The following FEZ2 variants were observed in gnomAD, a reference collection of about 807,000 sequenced individuals.
FEZ2 encodes the protein fasciculation and elongation protein zeta-2.
FEZ2 carries 51 observed loss-of-function variants against 40.4 expected under a neutral mutation model. That is an observed-to-expected ratio of 1.26 (90% CI 1.01 to 1.59). The LOEUF (loss-of-function observed/expected upper bound fraction) is 1.59. Ranked by LOEUF, FEZ2 falls within the 40% of genes most tolerant of loss-of-function variation. FEZ2 has a pLI of 0.00. For synonymous variants in FEZ2, 242 were observed against 172.0 expected, an observed-to-expected ratio of 1.41 and a Z score of -3.18; for missense variants, 640 against 438.3, an observed-to-expected ratio of 1.46 and a Z score of -4.11.
chr2:36,576,343 C>G (rs1248153742), intron 5 of FEZ2, among the ~76,000 whole-genome samples: 1 of 151,900 alleles, frequency 6.6e-6, no homozygotes, highest in Non-Finnish European at 1.5e-5. Flanking sequence ...AATCTTGGCT[C>G]GCTGCAACCT....
At chr2:36,567,968 G>T (rs181409075) in intron 5 of FEZ2, among the ~76,000 whole-genome samples, 84 of 152,172 alleles carry the variant, frequency 5.5e-4, no homozygotes, top group African/African-American at 1.7e-3. Flanking sequence ...CCTTTTGGAA[G>T]GCAAAATGAA....
chr2:36,597,774 G>T, intron 1 of FEZ2, 103 bp downstream of exon 1: 1 of 902,518 alleles, frequency 1.1e-6, no homozygotes, highest in Non-Finnish European at 1.5e-6. Flanking sequence ...TCCCGCGTCC[G>T]GGCGGAAGGA....
chr2:36,570,005 CTTGAATAT>C (rs1278032644), intron 5 of FEZ2, among the ~76,000 whole-genome samples: 2 of 151,944 alleles, frequency 1.3e-5, no homozygotes, highest in Non-Finnish European at 2.9e-5. Context: ...CTTTCAATAG[CTTGAATAT>C]GATTTTCAAA....
At chr2:36,568,341 C>T (rs1452004158) in intron 5 of FEZ2, among the ~76,000 whole-genome samples, 3 of 152,052 alleles carry the variant, frequency 2.0e-5, no homozygotes, top group African/African-American at 4.8e-5. Flanking sequence ...AGATTTGTTA[C>T]TAAATAAATA....
Position 36,581,435 on chromosome 2 carries a change from C to G in FEZ2, c.493-4G>C, listed in dbSNP as rs756533490. 2 of 1,612,554 alleles carry G rather than the reference C, an allele frequency of 1.2e-6. No homozygotes were observed. The highest frequency in any genetic ancestry group is 1.7e-6 in the Non-Finnish European group (2 of 1,178,866). ...TTTCTTCAATTTCTTCAATAACCTT[C>G]GAAAACACACACACCACTGTTAATC... On this transcript the variant is annotated splice_region_variant and splice_polypyrimidine_tract_variant and intron_variant, in intron 3 of 7. Coordinates refer to ENST00000405912, the MANE Select transcript of FEZ2 (RefSeq NM_005102.3).
chr2:36,571,919 G>A (rs1363471622), intron 5 of FEZ2, among the ~76,000 whole-genome samples: 1 of 150,658 alleles, frequency 6.6e-6, no homozygotes, highest in Non-Finnish European at 1.5e-5. Context: ...GGAGGCTGAG[G>A]CAGGAGAATC....
chr2:36,574,315 C>G (rs560454536), intron 5 of FEZ2, among the ~76,000 whole-genome samples: 46 of 152,236 alleles, frequency 3.0e-4, no homozygotes, highest in Non-Finnish European at 5.9e-4. Flanking sequence ...GGTTTGACAC[C>G]TGGCAGAAAG....
At chr2:36,558,407 C>T in intron 6 of FEZ2, 31 bp downstream of exon 6, 1 of 1,341,254 alleles carries the variant, frequency 7.5e-7, no homozygotes, top group Non-Finnish European at 1.0e-6. Flanking sequence ...AAAAGGAAAT[C>T]AGGTAATAGT....
intron 1 of FEZ2, among the ~76,000 whole-genome samples, chr2:36,597,528 GTGAA>G (rs1418228206): frequency 6.6e-6 from 1 of 152,150 alleles, no homozygotes. Context: ...TGCGACTTGA[GTGAA>G]TGAATGGCGA....
rs780000099 is a variant in FEZ2 at position 36,598,019 on chromosome 2, C to G, written c.124G>C (p.Gly42Arg). 1 of 1,491,752 alleles carries G rather than the reference C, an allele frequency of 6.7e-7. No individual in the cohort carries two copies. Among genetic ancestry groups the G allele is most frequent in the Non-Finnish European group, 8.9e-7 (1 of 1,123,644 alleles). The allele number at this position is 1,491,752 out of a possible 1,614,324, so 92.4% of individuals were successfully genotyped here. The part of the protein sequence containing the change: ...PGAEAGAEAG[G>R]GADGFPAPAC... ...GGGGCCGGGAAACCGTCGGCGCCCCCACCCGCCTCGGCCCCCGCCTCCGCC... is the reference window on the plus strand; with the variant it reads ...GGGGCCGGGAAACCGTCGGCGCCCCGACCCGCCTCGGCCCCCGCCTCCGCC... Residue 42 changes from glycine to arginine, a missense_variant, in exon 1 of 8, where the codon GGG becomes CGG. Gly to Arg is a moderately radical substitution (Grantham distance 125, BLOSUM62 -2). Coordinates refer to ENST00000405912, the MANE Select transcript of FEZ2 (RefSeq NM_005102.3).
intron 5 of FEZ2, 86 bp from the exon 6 acceptor site, chr2:36,558,599 C>G: frequency 1.5e-6 from 1 of 660,038 alleles, no homozygotes. Context: ...GAAGGTCTAT[C>G]TGATAATATA....
intron 2 of FEZ2, chr2:36,584,120 T>G (rs1668834064): frequency 6.6e-6 from 1 of 152,306 alleles, no homozygotes; most frequent in Non-Finnish European, 1.5e-5. Context: ...GGCTTCCAGG[T>G]GGGTTAAACC....
intron 7 of FEZ2, among the ~76,000 whole-genome samples, chr2:36,553,967 C>G (rs1233176508): frequency 6.6e-6 from 1 of 152,130 alleles, no homozygotes; most frequent in East Asian, 1.9e-4. Flanking sequence ...CCCGACTTCC[C>G]CACCTTCCCA....
intron 1 of FEZ2, 42 bp from the exon 2 acceptor site, chr2:36,591,053 T>C (rs1292544762): frequency 1.7e-6 from 2 of 1,196,906 alleles, no homozygotes. Context: ...ATTAACATTC[T>C]GTATGTCTTT....
intron 4 of FEZ2, among the ~76,000 whole-genome samples, chr2:36,580,952 G>A (rs1668721521): frequency 6.6e-6 from 1 of 152,130 alleles, no homozygotes; most frequent in South Asian, 2.1e-4. Flanking sequence ...AGGAGTTCGA[G>A]ACCAGCCTGG....
Position 36,558,502 on chromosome 2 carries a change from T to C in FEZ2, c.915A>G (p.Thr305=). The C allele has an allele frequency of 6.6e-7, 1 of 1,514,100 alleles. No individual in the cohort carries two copies. Among genetic ancestry groups the C allele is most frequent in the Non-Finnish European group, 8.9e-7 (1 of 1,126,574 alleles). 93.8% of individuals were successfully genotyped at this position (1,514,100 alleles called of 1,614,324 possible). Residue 305 remains threonine, a synonymous_variant, in exon 6 of 8, where the codon ACA becomes ACG. Transcript: ENST00000405912. ...CGTTTTTTTTCTCATAAGGAATGAC[T>C]GTAGTCAAATACTGCCAAGTTTAAA... The part of the protein sequence containing the change: ...RSHMPGTYLT[T]VIPYEKKNGP...
At position 36,597,944 on chromosome 2, in the gene FEZ2, G is replaced by A. The variant is rs1669285992; in HGVS notation, c.199C>T (p.Pro67Ser). 5 of 1,455,388 alleles carry A rather than the reference G, an allele frequency of 3.4e-6. No individual in the cohort carries two copies. The highest frequency in any genetic ancestry group is 4.5e-6 in the Non-Finnish European group (5 of 1,110,722). 90.2% of individuals were successfully genotyped at this position (1,455,388 alleles called of 1,614,324 possible). A position where few individuals can be genotyped will look rare whatever the true frequency, so the allele number is the denominator to read the frequency against. Residue 67 changes from proline (P) to serine (S), a missense_variant, in exon 1 of 8, where the codon CCG becomes TCG. Pro to Ser is a moderately conservative substitution (Grantham distance 74). Coordinates refer to ENST00000405912, the MANE Select transcript of FEZ2 (RefSeq NM_005102.3). The stretch of plus-strand genomic sequence containing the variant: ...GCCGTCCTCGGGGGCTCGGCGCCCG[G>A]ATCCGAGGGGCGGAAGCACAGGCTC... ...KLSLCFRPSD[P>S]GAEPPRTAVR...
At chr2:36,593,459 G>A (rs548929776) in intron 1 of FEZ2, among the ~76,000 whole-genome samples, 2 of 152,084 alleles carry the variant, frequency 1.3e-5, no homozygotes, top group Non-Finnish European at 2.9e-5. Context: ...TACATCTTCT[G>A]AATCTAGAAG....
At chr2:36,576,299 T>C (rs558325519) in intron 5 of FEZ2, among the ~76,000 whole-genome samples, 100 of 151,530 alleles carry the variant, frequency 6.6e-4, no homozygotes, top group African/African-American at 2.3e-3. Flanking sequence ...AGACAGAGCC[T>C]CGTTCTGTTG....
Sources: gnomAD v4.1 joint callset for allele counts (sites outside exome capture counted in the v4.1 genomes callset) on GRCh38, gnomAD v4.1.1 for gene constraint, MANE v1.5 for transcripts, NCBI Gene and HGNC (gene_info 2026-07-23, HGNC 2026-07-21) for gene names.